SERPINB12: variants seen among roughly 807,000 people sequenced by gnomAD.
The protein encoded by SERPINB12 is serpin B12.
SERPINB12 carries 57 observed loss-of-function variants against 41.1 expected under a neutral mutation model. That is an observed-to-expected ratio of 1.39 (90% CI 1.12 to 1.73). SERPINB12 has a LOEUF of 1.73. SERPINB12 is among the 40% of genes most tolerant of loss of function. SERPINB12 has a pLI of 0.00. For synonymous variants in SERPINB12, 180 were observed against 181.3 expected (o/e 0.99, Z 0.06); for missense variants, 536 against 501.9 (o/e 1.07, Z -0.65).
intron 3 of SERPINB12, 87 bp downstream of exon 3, chr18:63,558,573 C>A: frequency 1.4e-6 from 2 of 1,382,672 alleles, no homozygotes; most frequent in South Asian, 2.9e-5. Context: ...AGTTGCTTAT[C>A]CCCAAATATT....
At chr18:63,559,439 C>T in intron 3 of SERPINB12, 139 bp from the exon 4 acceptor site, 1 of 805,756 alleles carries the variant, frequency 1.2e-6, no homozygotes, top group Non-Finnish European at 1.9e-6. Context: ...AGCTCACTTC[C>T]CCCAGCATGG....
At chr18:63,553,033 A>C (rs1166480407) in intron 1 of SERPINB12, among the ~76,000 whole-genome samples, 1 of 152,080 alleles carries the variant, frequency 6.6e-6, no homozygotes, top group Admixed American at 6.5e-5. Context: ...TTGGGAGGTG[A>C]GGCAGCATTA....
the SERPINB12 span, among the ~76,000 whole-genome samples, chr18:63,536,103 A>G: frequency 2.0e-5 from 3 of 151,954 alleles, no homozygotes; most frequent in East Asian, 3.9e-4. Flanking sequence ...GATAAATGGT[A>G]TATATAGTTC....
chr18:63,538,377 A>G (rs576253751), upstream of SERPINB12, among the ~76,000 whole-genome samples: 5 of 152,104 alleles, frequency 3.3e-5, no homozygotes, highest in Non-Finnish European at 7.4e-5. Context: ...GGCAACCACA[A>G]TAATCTACTT....
At chr18:63,530,705 A>G in the SERPINB12 span, among the ~76,000 whole-genome samples, 1 of 152,192 alleles carries the variant, frequency 6.6e-6, no homozygotes, top group Admixed American at 6.5e-5. Flanking sequence ...GGTGTAATAC[A>G]TGGTGCTCAC....
intron 5 of SERPINB12, among the ~76,000 whole-genome samples, chr18:63,562,952 G>A (rs1175470669): frequency 6.6e-6 from 1 of 152,216 alleles, no homozygotes; most frequent in African/African-American, 2.4e-5. Flanking sequence ...CCGCTAGCCT[G>A]GGGCTTTTCA....
In SERPINB12 at chr18:63,566,875, C is replaced by T. The variant is rs745861003; in HGVS notation, c.1142C>T (p.Ala381Val). ...EVDENGTQAA[A>V]ATGAVVSERS... Reference sequence around the variant, plus strand: ...GATGAAAACGGTACCCAGGCAGCTGCAGCCACTGGGGCTGTTGTCTCGGAA... The same window carrying T: ...GATGAAAACGGTACCCAGGCAGCTGTAGCCACTGGGGCTGTTGTCTCGGAA... Residue 381 changes from alanine (A) to valine (V), a missense_variant, in exon 8 of 8, where the codon GCA becomes GTA. Ala to Val is a moderately conservative substitution (Grantham distance 64, BLOSUM62 0). Transcript: ENST00000382768. 8.7e-6 allele frequency: 14 copies of T among 1,614,054 alleles called. No individual in the cohort carries two copies. The highest frequency in any genetic ancestry group is 1.7e-5 in the Admixed American group (1 of 60,000).
At chr18:63,526,132 G>A in the SERPINB12 span, among the ~76,000 whole-genome samples, 1 of 151,908 alleles carries the variant, frequency 6.6e-6, no homozygotes, top group African/African-American at 2.4e-5. Context: ...CTGTATTTTT[G>A]GTAACATATT....
intron 7 of SERPINB12, 23 bp downstream of exon 7, chr18:63,565,635 C>G: frequency 6.3e-7 from 1 of 1,591,582 alleles, no homozygotes; most frequent in East Asian, 2.2e-5. Flanking sequence ...TTCCACATCT[C>G]TACAAAATAT....
chr18:63,549,582 C>T (rs1272240568), intron 1 of SERPINB12, among the ~76,000 whole-genome samples: 1 of 64,814 alleles, frequency 1.5e-5, no homozygotes, highest in Non-Finnish European at 3.5e-5. Flanking sequence ...TACATTTGCA[C>T]AGATTTCAAT....
intron 1 of SERPINB12, among the ~76,000 whole-genome samples, chr18:63,549,055 A>T (rs77430199): frequency 0.041 from 6,218 of 152,214 alleles, 433 homozygotes; most frequent in African/African-American, 0.14. Flanking sequence ...CATTTAGATA[A>T]GTCAGTATAA....
chr18:63,555,847 T>C, intron 1 of SERPINB12, among the ~76,000 whole-genome samples: 1 of 152,214 alleles, frequency 6.6e-6, no homozygotes, highest in African/African-American at 2.4e-5. Flanking sequence ...TGGACGTTTG[T>C]CCCCCAGAAC....
chr18:63,525,574 G>GA, the SERPINB12 span, among the ~76,000 whole-genome samples: 1 of 151,974 alleles, frequency 6.6e-6, no homozygotes, highest in Admixed American at 6.6e-5. Flanking sequence ...TTTCATATTG[G>GA]AAATGACCCA....
At chr18:63,537,572 T>C (rs1910198793), upstream of SERPINB12, among the ~76,000 whole-genome samples, 1 of 152,176 alleles carries the variant, frequency 6.6e-6, no homozygotes, top group African/African-American at 2.4e-5. Context: ...TGTGGATAAA[T>C]TATATGAATA....
intron 5 of SERPINB12, among the ~76,000 whole-genome samples, chr18:63,561,880 T>C (rs1266320842): frequency 6.6e-6 from 1 of 152,158 alleles, no homozygotes; most frequent in African/African-American, 2.4e-5. Flanking sequence ...ACCCTCCAGA[T>C]ACTAACTTGG....
chr18:63,560,660 C>G (rs1449400579), intron 4 of SERPINB12, among the ~76,000 whole-genome samples: 3 of 152,158 alleles, frequency 2.0e-5, no homozygotes, highest in Non-Finnish European at 4.4e-5. Context: ...ATCACCTTAT[C>G]TATTTCTAAA....
At chr18:63,529,062 A>G in the SERPINB12 span, among the ~76,000 whole-genome samples, 1 of 152,212 alleles carries the variant, frequency 6.6e-6, no homozygotes, top group African/African-American at 2.4e-5. Flanking sequence ...AGCTCACTCT[A>G]TCCTGCTTCT....
intron 6 of SERPINB12, among the ~76,000 whole-genome samples, chr18:63,564,545 C>G (rs187786249): frequency 3.9e-5 from 6 of 152,330 alleles, no homozygotes; most frequent in Admixed American, 6.5e-5. Context: ...TAGCTTATTA[C>G]TGGAGATGCA....
At position 63,563,882 on chromosome 18, in the gene SERPINB12, G is replaced by A. The variant is rs1910997891; in HGVS notation, c.563-96G>A. 1.4e-5 allele frequency: 17 copies of A among 1,201,618 alleles called. 1 individual carries two copies. In the South Asian group the frequency reaches 2.4e-4, roughly 17 times the overall value. 74.4% of individuals were successfully genotyped at this position (1,201,618 alleles called of 1,614,324 possible). A position where few individuals can be genotyped will look rare whatever the true frequency, so the allele number is the denominator to read the frequency against. ...TTGCACTCCAGCCTGGGAGACAAGAGCGAAACTCTGTCTCAAAAAAAAAAA... is the reference window on the plus strand; with the variant it reads ...TTGCACTCCAGCCTGGGAGACAAGAACGAAACTCTGTCTCAAAAAAAAAAA... On this transcript the variant is annotated intron_variant, in intron 5 of 7. Coordinates refer to ENST00000382768, the MANE Select transcript of SERPINB12 (RefSeq NM_001307928.2).
Sources: allele counts gnomAD v4.1 joint callset (sites outside exome capture counted in the v4.1 genomes callset), GRCh38; gene constraint gnomAD v4.1.1; transcripts MANE v1.5; gene names NCBI Gene and HGNC (gene_info 2026-07-23, HGNC 2026-07-21).